The following MYO6 variants were observed in gnomAD, a reference collection of about 807,000 sequenced individuals.
The protein encoded by MYO6 is unconventional myosin-VI.
A neutral mutation model predicts 178.7 loss-of-function variants in MYO6; 74 were observed. The observed-to-expected ratio is 0.41, with a 90% confidence interval of 0.34 to 0.50. MYO6 has a LOEUF of 0.50. Among genes scored for constraint, MYO6 ranks in the 20% least tolerant of loss-of-function variants. The pLI, the probability that MYO6 is intolerant of heterozygous loss-of-function variation, is 0.09. For missense variants in MYO6, 1,330 were observed against 1,547.4 expected (o/e 0.86, Z 2.36); for synonymous variants, 477 against 504.6 (o/e 0.95, Z 0.73).
At chr6:75,792,204 G>A (rs1346321250) in intron 1 of MYO6, among the ~76,000 whole-genome samples, 5 of 152,158 alleles carry the variant, frequency 3.3e-5, no homozygotes, top group Admixed American at 2.6e-4. Context: ...TATAATTACT[G>A]TTGCTACTTG....
intron 6 of MYO6, among the ~76,000 whole-genome samples, chr6:75,835,156 C>A (rs191617730): frequency 6.6e-6 from 1 of 152,106 alleles, no homozygotes; most frequent in African/African-American, 2.4e-5. Context: ...TTAATAGGCT[C>A]TCACAAAAGG....
chr6:75,793,433 G>C (rs554412974), intron 1 of MYO6, among the ~76,000 whole-genome samples: 7 of 151,942 alleles, frequency 4.6e-5, no homozygotes, highest in Admixed American at 2.0e-4. Context: ...GTGAAACCTT[G>C]TTTCTACTAA....
chr6:75,795,803 T>G (rs1768754865), intron 1 of MYO6, among the ~76,000 whole-genome samples: 1 of 152,236 alleles, frequency 6.6e-6, no homozygotes, highest in Non-Finnish European at 1.5e-5. Context: ...TGCAAAATGT[T>G]AAATTGGAGG....
chr6:75,766,322 C>CA (rs974926072), intron 1 of MYO6, among the ~76,000 whole-genome samples: 2 of 149,122 alleles, frequency 1.3e-5, no homozygotes, highest in South Asian at 2.1e-4. Flanking sequence ...GACTCTGTCT[C>CA]AAAAAAAAGA....
chr6:75,772,677 T>G (rs1766011976), intron 1 of MYO6, among the ~76,000 whole-genome samples: 1 of 152,182 alleles, frequency 6.6e-6, no homozygotes, highest in Non-Finnish European at 1.5e-5. Context: ...GTGGATGAAG[T>G]TACCGATGTG....
chr6:75,900,253 A>T (rs1438862771), intron 30 of MYO6, among the ~76,000 whole-genome samples: 2 of 152,120 alleles, frequency 1.3e-5, no homozygotes, highest in Non-Finnish European at 2.9e-5. Flanking sequence ...ATATACCCAG[A>T]AATGGGATGG....
At chr6:75,888,824 C>T (rs75439467) in intron 25 of MYO6, among the ~76,000 whole-genome samples, 2,105 of 152,122 alleles carry the variant, frequency 0.014, 46 homozygotes, top group East Asian at 0.11. Flanking sequence ...AATACATTAT[C>T]TTCATAGATA....
chr6:75,902,705 T>G (rs1193069643), intron 30 of MYO6, among the ~76,000 whole-genome samples: 10 of 151,778 alleles, frequency 6.6e-5, no homozygotes, highest in Admixed American at 1.3e-4. Flanking sequence ...TTTTGAAGGG[T>G]TTTTTGTGTC....
At chr6:75,757,441 A>G (rs1777557231) in intron 1 of MYO6, among the ~76,000 whole-genome samples, 1 of 150,490 alleles carries the variant, frequency 6.6e-6, no homozygotes, top group African/African-American at 2.4e-5. Flanking sequence ...TTCTGCTAGG[A>G]TGTGTGACAC....
chr6:75,777,453 G>C (rs1766502969), intron 1 of MYO6, among the ~76,000 whole-genome samples: 1 of 150,286 alleles, frequency 6.7e-6, no homozygotes, highest in African/African-American at 2.4e-5. Flanking sequence ...TTTGAAACAG[G>C]GTCTCACTGT....
intron 10 of MYO6, 56 bp downstream of exon 10, chr6:75,845,033 A>G (rs1774593873): frequency 7.2e-7 from 1 of 1,388,568 alleles, no homozygotes; most frequent in Non-Finnish European, 1.0e-6. Flanking sequence ...TCATGCTGAA[A>G]GATGTGTTAT....
chr6:75,803,007 T>C (rs1424475182), intron 1 of MYO6, among the ~76,000 whole-genome samples: 1 of 152,192 alleles, frequency 6.6e-6, no homozygotes, highest in Non-Finnish European at 1.5e-5. Flanking sequence ...TCTGAAAAAG[T>C]CTACTTTTTG....
chr6:75,783,989 T>C (rs1255234640), intron 1 of MYO6, among the ~76,000 whole-genome samples: 2 of 152,098 alleles, frequency 1.3e-5, no homozygotes, highest in Admixed American at 1.3e-4. Flanking sequence ...TATTTATTTA[T>C]GAGACAGAGT....
chr6:75,832,400 C>G (rs868122099), intron 5 of MYO6, among the ~76,000 whole-genome samples: 18 of 152,016 alleles, frequency 1.2e-4, no homozygotes, highest in Admixed American at 5.2e-4. Context: ...AGAAAAAAAC[C>G]CAAGTTGCCA....
intron 4 of MYO6, 140 bp from the exon 5 acceptor site, chr6:75,830,276 G>A: frequency 1.4e-6 from 1 of 689,756 alleles, no homozygotes; most frequent in Non-Finnish European, 2.5e-6. Flanking sequence ...GAATACTCAG[G>A]GAATATTTAG....
intron 30 of MYO6, among the ~76,000 whole-genome samples, chr6:75,899,617 C>T (rs1020809644): frequency 6.6e-6 from 1 of 150,816 alleles, no homozygotes; most frequent in African/African-American, 2.4e-5. Context: ...ACTTAGACCG[C>T]TTATGAAAAG....
chr6:75,806,042 G>T (rs567219400), intron 1 of MYO6, among the ~76,000 whole-genome samples: 1 of 151,954 alleles, frequency 6.6e-6, no homozygotes, highest in Non-Finnish European at 1.5e-5. Flanking sequence ...TGTCATCTTT[G>T]GTGGGGTGAA....
At chr6:75,880,017 T>G (rs761126249) in intron 21 of MYO6, 26 bp from the exon 22 acceptor site, 63 of 1,612,836 alleles carry the variant, frequency 3.9e-5, no homozygotes, top group Non-Finnish European at 5.2e-5. Context: ...TAATTGACAT[T>G]TAACTTTTTA....
At position 75,794,676 on chromosome 6, in the gene MYO6, A is replaced by G. The variant is rs540912292; in HGVS notation, c.-47-22825A>G. Among the ~76,000 whole-genome samples, 3 of 150,780 alleles carry G rather than the reference A, an allele frequency of 2.0e-5. No individual in the cohort carries two copies. In the South Asian group the frequency reaches 6.3e-4, roughly 32 times the overall value. ...GAATAATAGCTGGCAGTAGTTTCAGAGAGCAGCCAAACAAGGGAAGGAGGG... is the reference window on the plus strand; with the variant it reads ...GAATAATAGCTGGCAGTAGTTTCAGGGAGCAGCCAAACAAGGGAAGGAGGG... On this transcript the variant is annotated intron_variant, in intron 1 of 34. Transcript: ENST00000369977.
Sources: allele counts gnomAD v4.1 joint callset (sites outside exome capture counted in the v4.1 genomes callset), GRCh38; gene constraint gnomAD v4.1.1; transcripts MANE v1.5; gene names NCBI Gene and HGNC (gene_info 2026-07-23, HGNC 2026-07-21).